Variants in MAGED2 observed in about 807,000 individuals in gnomAD.
MAGED2 encodes MAGE family member D2, also known as melanoma-associated antigen D2.
MAGED2 carries 6 observed loss-of-function variants against 41.7 expected under a neutral mutation model. The observed-to-expected ratio is 0.14, with a 90% confidence interval of 0.08 to 0.28. MAGED2 has a LOEUF of 0.28. Among genes scored for constraint, MAGED2 ranks in the 10% least tolerant of loss-of-function variants. The probability of loss-of-function intolerance (pLI) is 1.00; values close to 1 mark genes in which losing one functional copy is unlikely to be tolerated. For synonymous variants in MAGED2, 146 were observed against 178.2 expected, an observed-to-expected ratio of 0.82 and a Z score of 1.44; for missense variants, 343 against 486.4, an observed-to-expected ratio of 0.71 and a Z score of 2.77.
intron 10 of MAGED2, 21 bp downstream of exon 10, chrX:54,813,571 T>C (rs1279091905): frequency 4.3e-6 from 5 of 1,176,466 alleles, no homozygotes; most frequent in Non-Finnish European, 5.8e-6. Context: ...CTGTCTGGTG[T>C]TCATGTGTCC....
At chrX:54,810,335 G>A (rs1929764616) in intron 3 of MAGED2, 122 bp downstream of exon 3, 3 of 452,494 alleles carry the variant, frequency 6.6e-6, no homozygotes, top group Non-Finnish European at 1.1e-5. Context: ...TGAGAGTAAT[G>A]TGATGTAATT....
intron 7 of MAGED2, among the ~76,000 whole-genome samples, chrX:54,812,607 T>G (rs1344581315): frequency 8.9e-6 from 1 of 112,024 alleles, no homozygotes; most frequent in Non-Finnish European, 1.9e-5. Flanking sequence ...TGGATCAGGA[T>G]GCATGAAGCG....
intron 7 of MAGED2, 39 bp from the exon 8 acceptor site, chrX:54,812,906 C>T: frequency 9.4e-7 from 1 of 1,062,099 alleles, no homozygotes; most frequent in Non-Finnish European, 1.3e-6. Context: ...TTGCAGATGG[C>T]TGCTGAACAT....
chrX:54,812,802 A>C (rs1219134328), intron 7 of MAGED2, 143 bp from the exon 8 acceptor site: 15 of 480,473 alleles, frequency 3.1e-5, no homozygotes, highest in Non-Finnish European at 5.1e-5. Flanking sequence ...GTGCCTTGCC[A>C]AGGGTGGCAT....
At chrX:54,814,845 G>A (rs1222649122) in intron 11 of MAGED2, 70 bp downstream of exon 11, 2 of 755,446 alleles carry the variant, frequency 2.6e-6, no homozygotes, top group East Asian at 3.2e-5. Context: ...CAGGCTGTGT[G>A]CAGAGCAGCC....
Position 54,814,696 on chromosome X carries a change from C to A in MAGED2, c.1307C>A (p.Pro436His). Residue 436 changes from proline to histidine, a missense_variant, in exon 11 of 13, where the codon CCC becomes CAC. Around this residue, in one of 3 missense-constraint regions of MAGED2, gnomAD observed 95 missense variants for 204.8 expected, o/e 0.46. Coordinates refer to ENST00000375068, the MANE Select transcript of MAGED2 (RefSeq NM_177433.3). ...TATGCCAGAGTCCCCAATAGCAATC[C>A]CCCTGAATATGAGTTCTTCTGGGGC... ...LDYARVPNSN[P>H]PEYEFFWGLR... The A allele has an allele frequency of 8.3e-7, 1 of 1,209,899 alleles. No homozygotes were observed. Among genetic ancestry groups the A allele is most frequent in the Non-Finnish European group, 1.1e-6 (1 of 893,819 alleles).
intron 10 of MAGED2, chrX:54,814,329 C>T (rs1409333792): frequency 4.8e-6 from 2 of 414,535 alleles, no homozygotes; most frequent in South Asian, 4.8e-5. Context: ...TGTGGTGGAC[C>T]TTTCTGGGCT....
chrX:54,813,382 C>A, intron 9 of MAGED2, 106 bp from the exon 10 acceptor site: 1 of 867,521 alleles, frequency 1.2e-6, no homozygotes. Flanking sequence ...CCCTCTTGTG[C>A]TGGAAACCTC....
At chrX:54,810,252 C>T in intron 3 of MAGED2, 39 bp downstream of exon 3, 2 of 844,318 alleles carry the variant, frequency 2.4e-6, no homozygotes, top group South Asian at 5.5e-5. Flanking sequence ...TTTTCTACTC[C>T]TCTCTCAGTT....
intron 10 of MAGED2, among the ~76,000 whole-genome samples, 167 bp downstream of exon 10, chrX:54,813,717 A>T (rs959717860): frequency 1.8e-5 from 2 of 112,292 alleles, no homozygotes; most frequent in African/African-American, 6.5e-5. Flanking sequence ...AAACAGGAGC[A>T]GCACATGTTT....
chrX:54,812,096 GC>G (rs1929826104), intron 6 of MAGED2, 60 bp from the exon 7 acceptor site: 1 of 645,623 alleles, frequency 1.5e-6, no homozygotes, highest in South Asian at 2.3e-5. Flanking sequence ...TACATAGGGA[GC>G]TGCAGCATGC....
intron 2 of MAGED2, 98 bp from the exon 3 acceptor site, chrX:54,809,624 C>T: frequency 8.9e-7 from 1 of 1,127,036 alleles, no homozygotes; most frequent in East Asian, 3.1e-5. Flanking sequence ...AGGTAGGAGT[C>T]AGTACAGGTC....
Position 54,810,837 on chromosome X carries a change from G to C in MAGED2, c.554G>C (p.Gly185Ala), listed in dbSNP as rs758038664. ...KKARKVKHLD[G>A]EEDGSSDQSQ... ...TTGATGCAGGTGAAGCATCTGGATG[G>C]GGAAGAGGATGGCAGCAGTGATCAG... The change falls in exon 4 of 13, where the codon GGG becomes GCG. Residue 185 changes from glycine (G) to alanine (A), a missense_variant. Physicochemically the swap from Gly to Ala is moderately conservative, Grantham distance 60. Coordinates refer to ENST00000375068, the MANE Select transcript of MAGED2 (RefSeq NM_177433.3). 2.9e-5 allele frequency: 34 copies of C among 1,169,845 alleles called. 1 individual carries two copies. The Admixed American group carries it at 8.5e-4, about 29-fold the overall frequency.
chrX:54,814,877 T>C (rs1929913829), intron 11 of MAGED2, 102 bp downstream of exon 11: 1 of 569,544 alleles, frequency 1.8e-6, no homozygotes, highest in African/African-American at 2.3e-5. Flanking sequence ...TCTGAATGTT[T>C]TGGTGCTTCT....
chrX:54,812,852 G>A, intron 7 of MAGED2, 93 bp from the exon 8 acceptor site: 1 of 654,384 alleles, frequency 1.5e-6, no homozygotes, highest in Non-Finnish European at 2.4e-6. Context: ...CTGTATCTGA[G>A]GAATCTGGGA....
chrX:54,808,245 G>A (rs1224746931), intron 1 of MAGED2: 1 of 109,322 alleles, frequency 9.1e-6, no homozygotes, highest in Non-Finnish European at 1.9e-5. Flanking sequence ...GCCAGGCTAA[G>A]GGAATACGGA....
In MAGED2 at chrX:54,814,687, A is replaced by G. The variant is rs375724669; in HGVS notation, c.1298A>G (p.Asn433Ser). The G allele has an allele frequency of 1.1e-4, 128 of 1,207,458 alleles. No individual in the cohort carries two copies. The highest frequency in any genetic ancestry group is 1.4e-4 in the African/African-American group (8 of 57,193). Residue 433 changes from asparagine (N) to serine (S), a missense_variant, in exon 11 of 13, where the codon AAT becomes AGT. Asn to Ser is a conservative substitution (Grantham distance 46). Transcript: ENST00000375068. ...QKYLDYARVP[N>S]SNPPEYEFFW... Reference sequence around the variant, plus strand: ...TACCTGGACTATGCCAGAGTCCCCAATAGCAATCCCCCTGAATATGAGTTC... The same window carrying G: ...TACCTGGACTATGCCAGAGTCCCCAGTAGCAATCCCCCTGAATATGAGTTC...
intron 5 of MAGED2, 69 bp downstream of exon 5, chrX:54,811,382 G>A: frequency 2.9e-6 from 3 of 1,037,542 alleles, no homozygotes; most frequent in South Asian, 3.8e-5. Flanking sequence ...ATTGTGCTGG[G>A]GATATCCCCT....
At position 54,813,118 on chromosome X, in the gene MAGED2, C is replaced by G; in HGVS notation, c.1166C>G (p.Ala389Gly). The G allele has an allele frequency of 2.5e-6, 3 of 1,211,782 alleles. No homozygotes were observed. The highest frequency in any genetic ancestry group is 3.3e-6 in the Non-Finnish European group (3 of 895,636). ...IFMNGNRSSEAVIWEVLRKLG... is the reference protein window; with the variant it reads ...IFMNGNRSSEGVIWEVLRKLG... ...TGTCTCCTCTTGCCTCCCCTCGCAG[C>G]TGTCATCTGGGAGGTGCTGCGCAAG... is the stretch of plus-strand genomic sequence containing the variant. The change falls in exon 9 of 13, where the codon GCT (alanine) becomes GGT (glycine). Residue 389 changes from alanine (A) to glycine (G), a missense_variant and splice_region_variant. Ala to Gly is a moderately conservative substitution (Grantham distance 60). Coordinates refer to ENST00000375068, the MANE Select transcript of MAGED2 (RefSeq NM_177433.3).
Sources: gnomAD v4.1 joint callset for allele counts (sites outside exome capture counted in the v4.1 genomes callset) on GRCh38, gnomAD v4.1.1 for gene constraint, gnomAD v4.1.1 regional missense constraint, MANE v1.5 for transcripts, NCBI Gene and HGNC (gene_info 2026-07-23, HGNC 2026-07-21) for gene names.